Variants in PRKN observed in about 807,000 individuals in gnomAD.
The protein encoded by PRKN is parkin RBR E3 ubiquitin protein ligase.
In PRKN, 56 loss-of-function variants were observed where a neutral mutation model predicts 59.5. The ratio of observed to expected loss-of-function variants is 0.94; its 90% CI spans 0.76 to 1.18. The LOEUF is 1.18. PRKN is among the 50% of genes most tolerant of loss of function. The probability of loss-of-function intolerance (pLI) is 0.00; values close to 1 mark genes in which losing one functional copy is unlikely to be tolerated. For missense variants in PRKN, 657 were observed against 596.4 expected (o/e 1.10, Z -1.06); for synonymous variants, 250 against 222.1 (o/e 1.13, Z -1.12).
chr6:161,535,108 A>G (rs183269305), intron 9 of PRKN, among the ~76,000 whole-genome samples: 1 of 152,332 alleles, frequency 6.6e-6, no homozygotes, highest in African/African-American at 2.4e-5. Context: ...TGTAAATGTC[A>G]ATCGAACTAG....
intron 2 of PRKN, among the ~76,000 whole-genome samples, chr6:162,419,986 C>T (rs924806067): frequency 6.6e-6 from 1 of 152,262 alleles, no homozygotes; most frequent in Middle Eastern, 3.4e-3. Context: ...TCGTGGGAGA[C>T]AGTTTCTCCA....
Position 162,421,184 on chromosome 6 carries a change from A to G in PRKN, c.171+22126T>C, listed in dbSNP as rs569195388. ...TTACTTGGAAATCTTATTATGCACG[A>G]TGTTTATCAATAACCCTCCATCAGG... On this transcript the variant is annotated intron_variant, in intron 2 of 11. Coordinates refer to ENST00000366898, the MANE Select transcript of PRKN (RefSeq NM_004562.3). Among the ~76,000 whole-genome samples, 50 of 152,310 alleles carry G rather than the reference A, an allele frequency of 3.3e-4. 1 individual carries two copies. In the South Asian group the frequency reaches 0.01, roughly 31 times the overall value.
rs1251991930 is a variant in PRKN at position 161,457,882 on chromosome 6, T to C, written c.1084-71005A>G. Among the ~76,000 whole-genome samples, 6 of 152,238 alleles carry C rather than the reference T, an allele frequency of 3.9e-5. No homozygotes were observed. The highest frequency in any genetic ancestry group is 7.3e-5 in the Non-Finnish European group (5 of 68,044). On this transcript the variant is annotated intron_variant, in intron 9 of 11. Transcript: ENST00000366898. The surrounding 1 kb of genome is among the most constrained non-coding windows in gnomAD (Gnocchi z 5.0). ...GTGGCCTTCTTTTGTCTTTCCTTTGTAGTTTTTTGGGAAAAGGACGCCAAT... is the reference window on the plus strand; with the variant it reads ...GTGGCCTTCTTTTGTCTTTCCTTTGCAGTTTTTTGGGAAAAGGACGCCAAT...
At chr6:162,688,263 T>C (rs1305669671) in intron 1 of PRKN, among the ~76,000 whole-genome samples, 1 of 152,172 alleles carries the variant, frequency 6.6e-6, no homozygotes, top group African/African-American at 2.4e-5. Context: ...TCTACAGTGA[T>C]AGATGTCAGA....
At chr6:161,879,341 C>CTTTTTTTTTTTT (rs72163881) in intron 6 of PRKN, among the ~76,000 whole-genome samples, 1 of 112,258 alleles carries the variant, frequency 8.9e-6, no homozygotes, top group African/African-American at 3.6e-5. Context: ...ACATTTCTGC[C>CTTTTTTTTTTTT]TTTTTTTTTT....
rs150813037 is a variant in PRKN at position 161,473,807 on chromosome 6, T to C, written c.1083+75047A>G. 3.8e-4 allele frequency among the ~76,000 whole-genome samples: 58 copies of C among 152,290 alleles called. No homozygotes were observed. In the East Asian group the frequency reaches 8.5e-3, roughly 22 times the overall value. Reference sequence around the variant, plus strand: ...TAGTAACCACTTCACTATGTATAAATATATCAAAATATGTTGTACACCTTA... The same window carrying C: ...TAGTAACCACTTCACTATGTATAAACATATCAAAATATGTTGTACACCTTA... On this transcript the variant is annotated intron_variant, in intron 9 of 11. Transcript: ENST00000366898. The surrounding 1 kb of genome is among the most constrained non-coding windows in gnomAD (Gnocchi z 4.1).
At position 161,728,123 on chromosome 6, in the gene PRKN, G is replaced by A. The variant is rs183245312; in HGVS notation, c.871+57649C>T. On this transcript the variant is annotated intron_variant, in intron 7 of 11. Coordinates refer to ENST00000366898, the MANE Select transcript of PRKN (RefSeq NM_004562.3). ...TTAGCGCTTTGACAATACTTTGCAT[G>A]GGCTAAAAGATGCTGGGAAAGTTTT... Among the ~76,000 whole-genome samples, 263 of 152,114 alleles carry A rather than the reference G, an allele frequency of 1.7e-3. 2 individuals carry two copies. Among genetic ancestry groups the A allele is most frequent in the Non-Finnish European group, 2.8e-3 (193 of 68,004 alleles).
chr6:162,356,911 A>G (rs974256071), intron 2 of PRKN, among the ~76,000 whole-genome samples: 10 of 152,182 alleles, frequency 6.6e-5, no homozygotes, highest in Non-Finnish European at 1.5e-4. Context: ...TGGAACAAAT[A>G]GCCATCCACA....
At chr6:162,251,023 C>T (rs1010874668) in intron 3 of PRKN, among the ~76,000 whole-genome samples, 1 of 152,090 alleles carries the variant, frequency 6.6e-6, no homozygotes, top group Non-Finnish European at 1.5e-5. Flanking sequence ...CTGTGTCCTT[C>T]AAGTATGTCC....
chr6:162,014,293 G>A (rs1335075029), intron 5 of PRKN, among the ~76,000 whole-genome samples: 3 of 152,198 alleles, frequency 2.0e-5, no homozygotes, highest in Non-Finnish European at 2.9e-5. Flanking sequence ...CACAGCCAGA[G>A]CCCTGCACAG....
chr6:161,948,405 T>C (rs1326294380), intron 6 of PRKN, among the ~76,000 whole-genome samples: 7 of 152,228 alleles, frequency 4.6e-5, no homozygotes, highest in South Asian at 2.1e-4. Flanking sequence ...CACTCACTTT[T>C]GTTAAGTGCT....
chr6:162,560,380 C>T (rs1231404652), intron 1 of PRKN, among the ~76,000 whole-genome samples: 1 of 152,144 alleles, frequency 6.6e-6, no homozygotes, highest in Non-Finnish European at 1.5e-5. Context: ...TAACTGTCAA[C>T]ACATAACAAT....
In PRKN at chr6:161,402,679, A is replaced by G. The variant is rs1331834812; in HGVS notation, c.1084-15802T>C. ...AATATGAGACTCCAAGAAGGGTTAG[A>G]TCATGGAAGCCTACAGAACTATATC... On this transcript the variant is annotated intron_variant, in intron 9 of 11. Transcript: ENST00000366898. This position sits in a 1 kb window ranked among gnomAD's most constrained non-coding sequence, Gnocchi z 4.5. Among the ~76,000 whole-genome samples the G allele has an allele frequency of 6.6e-6, 1 of 152,092 alleles. No homozygotes were observed. The highest frequency in any genetic ancestry group is 2.4e-5 in the African/African-American group (1 of 41,378).
chr6:162,015,557 C>T (rs1055819015), intron 5 of PRKN, among the ~76,000 whole-genome samples: 1 of 151,370 alleles, frequency 6.6e-6, no homozygotes, highest in African/African-American at 2.4e-5. Flanking sequence ...GTCAGCTACG[C>T]TCTTGCTGCT....
intron 9 of PRKN, among the ~76,000 whole-genome samples, chr6:161,524,618 G>T (rs2115367480): frequency 6.6e-6 from 1 of 152,136 alleles, no homozygotes; most frequent in South Asian, 2.1e-4. Flanking sequence ...TTAAATTGAA[G>T]GTTTTGAATT....
At chr6:162,471,282 G>C (rs186096608) in intron 1 of PRKN, among the ~76,000 whole-genome samples, 4 of 151,812 alleles carry the variant, frequency 2.6e-5, no homozygotes, top group African/African-American at 9.7e-5. Flanking sequence ...ATTTTTAGTA[G>C]AGATGGGTTT....
chr6:162,726,205 A>C (rs955393524), intron 1 of PRKN, among the ~76,000 whole-genome samples: 6 of 152,216 alleles, frequency 3.9e-5, no homozygotes, highest in African/African-American at 1.4e-4. Flanking sequence ...GCTTTACAAT[A>C]AATTTGTTTC....
intron 5 of PRKN, among the ~76,000 whole-genome samples, chr6:161,993,220 A>G (rs1419376857): frequency 8.5e-5 from 13 of 152,224 alleles, no homozygotes; most frequent in Non-Finnish European, 1.9e-4. Context: ...AATAACCAAG[A>G]AAAAAGATAG....
At chr6:161,874,558 A>ATATGTAAAATATATAT (rs1794583578) in intron 6 of PRKN, among the ~76,000 whole-genome samples, 3 of 109,260 alleles carry the variant, frequency 2.7e-5, no homozygotes, top group African/African-American at 4.0e-5. Context: ...AATATATATT[A>ATATGTAAAATATATAT]TATATAAAAT....
Sources: allele counts gnomAD v4.1 joint callset (sites outside exome capture counted in the v4.1 genomes callset), GRCh38; gene constraint gnomAD v4.1.1; non-coding constraint Gnocchi (gnomAD v3.1); transcripts MANE v1.5; gene names NCBI Gene and HGNC (gene_info 2026-07-23, HGNC 2026-07-21).